Variants in GHSR observed in about 807,000 individuals in gnomAD.
GHSR encodes growth hormone secretagogue receptor.
GHSR carries 17 observed loss-of-function variants against 24.0 expected under a neutral mutation model. The ratio of observed to expected loss-of-function variants is 0.71; its 90% CI spans 0.49 to 1.06. The LOEUF is 1.06. Ranked by LOEUF, GHSR falls within the 50% of genes least tolerant of loss-of-function variation. The pLI, the probability that GHSR is intolerant of heterozygous loss-of-function variation, is 0.00. For synonymous variants in GHSR, 238 were observed against 208.1 expected (o/e 1.14, Z -1.24); for missense variants, 504 against 483.1 (o/e 1.04, Z -0.41).
chr3:172,445,428 G>T lies in GHSR; in HGVS notation c.834C>A (p.Pro278=). The T allele has an allele frequency of 6.2e-7, 1 of 1,613,608 alleles. No individual in the cohort carries two copies. The highest frequency in any genetic ancestry group is 8.5e-7 in the Non-Finnish European group (1 of 1,179,988). Residue 278 remains proline (P), a synonymous_variant, in exon 2 of 2, where the codon CCC becomes CCA. Transcript: ENST00000241256. ...AAAATAAATATCGCCCTACGTGGAA[G>T]GGGAGCCAGCAGAGGATGAAGGCAA... The part of the protein sequence containing the change: ...VVFAFILCWL[P]FHVGRYLFSK...
chr3:172,447,891 C>CTA lies in GHSR; in HGVS notation c.522_523insTA (p.Ala175Ter). On this transcript the variant is annotated frameshift_variant, in exon 1 of 2. Transcript: ENST00000241256. LOFTEE classifies it high-confidence loss of function. ...CCGACTAGCACGAAGATGGGCCCGGCGCTGCAGAAGGCCACGGCCCAGATG... is the reference window on the plus strand; with the variant it reads ...CCGACTAGCACGAAGATGGGCCCGGCTAGCTGCAGAAGGCCACGGCCCAGATG... The CTA allele has an allele frequency of 6.2e-7, 1 of 1,613,096 alleles. No homozygotes were observed. Among genetic ancestry groups the CTA allele is most frequent in the Non-Finnish European group, 8.5e-7 (1 of 1,179,222 alleles).
At position 172,444,919 on chromosome 3, in the gene GHSR, C is replaced by T. The variant is rs1156344152; in HGVS notation, c.*242G>A. ...GAATTGCAAAGCCCTCACCAGCACC[C>T]GCAGCAGAATGCAAAATCATAGACA... is the stretch of plus-strand genomic sequence containing the variant. On this transcript the variant is annotated 3_prime_UTR_variant, in exon 2 of 2. Transcript: ENST00000241256. Among the ~76,000 whole-genome samples the T allele has an allele frequency of 1.3e-5, 2 of 152,122 alleles. No homozygotes were observed. The highest frequency in any genetic ancestry group is 2.9e-5 in the Non-Finnish European group (2 of 68,030).
Position 172,444,987 on chromosome 3 carries a change from C to T in GHSR, c.*174G>A, listed in dbSNP as rs149811097. 3.0e-5 allele frequency: 21 copies of T among 708,544 alleles called. No individual in the cohort carries two copies. Among genetic ancestry groups the T allele is most frequent in the Middle Eastern group, 7.8e-4 (2 of 2,548 alleles). 43.9% of individuals were successfully genotyped at this position (708,544 alleles called of 1,614,324 possible). On this transcript the variant is annotated 3_prime_UTR_variant, in exon 2 of 2. Coordinates refer to ENST00000241256, the MANE Select transcript of GHSR (RefSeq NM_198407.2). Reference sequence around the variant, plus strand: ...GTGTATGAGAGCACTGATAATTGTGCGATCAAATCAAACTGCTCACACCCT... The same window carrying T: ...GTGTATGAGAGCACTGATAATTGTGTGATCAAATCAAACTGCTCACACCCT...
chr3:172,444,763 AT>A lies in GHSR; in HGVS notation c.*397del, dbSNP rs1459083837. ...AAAATAGCTAGTTTTTAAAAGTTACATTTTAAATTTTGTATTGTAATGTCAT... is the reference window on the plus strand; with the variant it reads ...AAAATAGCTAGTTTTTAAAAGTTACATTTAAATTTTGTATTGTAATGTCAT... On this transcript the variant is annotated 3_prime_UTR_variant, in exon 2 of 2. Transcript: ENST00000241256. Among the ~76,000 whole-genome samples, 1 of 152,186 alleles carries A rather than the reference AT, an allele frequency of 6.6e-6. No individual in the cohort carries two copies. The highest frequency in any genetic ancestry group is 1.5e-5 in the Non-Finnish European group (1 of 68,028).
At position 172,447,782 on chromosome 3, in the gene GHSR, G is replaced by A. The variant is rs1213440431; in HGVS notation, c.632C>T (p.Thr211Met). Reference sequence around the variant, plus strand: ...GATGCTGGACACCCACACCATGACCGTGAGCAGTCCAGAGCGCACCGCAAA... The same window carrying A: ...GATGCTGGACACCCACACCATGACCATGAGCAGTCCAGAGCGCACCGCAAA... ...TEFAVRSGLLTVMVWVSSIFF... is the reference protein window; with the variant it reads ...TEFAVRSGLLMVMVWVSSIFF... Residue 211 changes from threonine (T) to methionine (M), a missense_variant, in exon 1 of 2, where the codon ACG becomes ATG. Thr to Met is a moderately conservative substitution (Grantham distance 81). Coordinates refer to ENST00000241256, the MANE Select transcript of GHSR (RefSeq NM_198407.2). 6.2e-7 allele frequency: 1 copy of A among 1,614,098 alleles called. No individual in the cohort carries two copies. Among genetic ancestry groups the A allele is most frequent in the Non-Finnish European group, 8.5e-7 (1 of 1,180,032 alleles).
rs759820410 is a variant in GHSR at position 172,445,347 on chromosome 3, G to A, written c.915C>T (p.Asn305=). 3 of 1,614,126 alleles carry A rather than the reference G, an allele frequency of 1.9e-6. No individual in the cohort carries two copies. Among genetic ancestry groups the A allele is most frequent in the South Asian group, 1.1e-5 (1 of 91,070 alleles). The change falls in exon 2 of 2, where the codon AAC becomes AAT. Residue 305 remains asparagine (N), a synonymous_variant. Coordinates refer to ENST00000241256, the MANE Select transcript of GHSR (RefSeq NM_198407.2). ...LEIAQISQYC[N]LVSFVLFYLS... is the part of the protein sequence containing the mutation. ...GGTAGAAGAGGACAAAGGACACGAG[G>A]TTGCAGTACTGGCTGATCTGAGCAA... is the stretch of plus-strand genomic sequence containing the variant.
chr3:172,447,475 G>A (rs764982184), intron 1 of GHSR, 143 bp downstream of exon 1: 11 of 1,492,456 alleles, frequency 7.4e-6, no homozygotes, highest in African/African-American at 1.4e-5. Flanking sequence ...TGAGAGAAAC[G>A]CAGAGAGACA....
intron 1 of GHSR, chr3:172,447,358 A>C: frequency 3.7e-6 from 1 of 273,704 alleles, no homozygotes; most frequent in Non-Finnish European, 5.5e-6. Flanking sequence ...TAGAGACGGT[A>C]AGAAAGACAC....
chr3:172,448,339 G>A lies in GHSR; in HGVS notation c.75C>T (p.Pro25=). The part of the protein sequence containing the change: ...TLADLDWDAS[P]GNDSLGDELL... ...GCTCGTCGCCCAGCGAGTCGTTGCC[G>A]GGGGAAGCATCCCAGTCCAGGTCGG... The change falls in exon 1 of 2, where the codon CCC becomes CCT. Residue 25 remains proline (P), a synonymous_variant. Coordinates refer to ENST00000241256, the MANE Select transcript of GHSR (RefSeq NM_198407.2). The surrounding 1 kb of genome is among the most constrained non-coding windows in gnomAD (Gnocchi z 4.8). The A allele has an allele frequency of 6.2e-7, 1 of 1,604,276 alleles. No homozygotes were observed. The highest frequency in any genetic ancestry group is 8.5e-7 in the Non-Finnish European group (1 of 1,179,780).
intron 1 of GHSR, 102 bp from the exon 2 acceptor site, chr3:172,445,567 G>T: frequency 8.6e-7 from 1 of 1,159,332 alleles, no homozygotes; most frequent in Non-Finnish European, 1.3e-6. Flanking sequence ...TATGACCATT[G>T]ACTTCAGAGA....
Sources: gnomAD v4.1 joint callset for allele counts (sites outside exome capture counted in the v4.1 genomes callset) on GRCh38, gnomAD v4.1.1 for gene constraint, Gnocchi (gnomAD v3.1) non-coding constraint, MANE v1.5 for transcripts, NCBI Gene and HGNC (gene_info 2026-07-23, HGNC 2026-07-21) for gene names.